The following DIDO1 variants were observed in gnomAD, a reference collection of about 807,000 sequenced individuals.
The protein encoded by DIDO1 is death inducer-obliterator 1, also known as death-inducer obliterator 1.
In DIDO1, 16 loss-of-function variants were observed where a neutral mutation model predicts 99.4. The observed-to-expected ratio is 0.16, with a 90% CI of 0.11 to 0.24. The LOEUF is 0.24. DIDO1 is among the 10% of genes least tolerant of loss of function. The pLI, the probability that DIDO1 is intolerant of heterozygous loss-of-function variation, is 1.00. For missense variants in DIDO1, 2,996 were observed against 3,014.0 expected (o/e 0.99, Z 0.14); for synonymous variants, 1,366 against 1,239.1 (o/e 1.10, Z -2.15).
At chr20:62,890,626 C>T (rs1468358846) in intron 15 of DIDO1, 12 of 1,191,308 alleles carry the variant, frequency 1.0e-5, no homozygotes, top group South Asian at 8.3e-5. Context: ...AGAGCAGGGC[C>T]GCTGGGAGTG....
At chr20:62,917,614 TG>T (rs2065062730) in intron 1 of DIDO1, among the ~76,000 whole-genome samples, 1 of 152,156 alleles carries the variant, frequency 6.6e-6, no homozygotes. Context: ...GGGCTGTGCG[TG>T]GACAGTACCA....
At chr20:62,912,820 T>TTAGGA (rs1196135579) in intron 2 of DIDO1, among the ~76,000 whole-genome samples, 24 of 152,130 alleles carry the variant, frequency 1.6e-4, no homozygotes, top group Non-Finnish European at 7.3e-5. Flanking sequence ...CCACTTGAGG[T>TTAGGA]TAGGAGTTCG....
chr20:62,889,233 G>GTCACTCTGCACCTGCACTCTGCACCT (rs1263717054), intron 15 of DIDO1: 1 of 985,480 alleles, frequency 1.0e-6, no homozygotes, highest in East Asian at 1.1e-4. Flanking sequence ...CTGCCCCGGG[G>GTCACTCTGCACCTGCACTCTGCACCT]CTGCACCTGC....
intron 1 of DIDO1, among the ~76,000 whole-genome samples, chr20:62,934,416 G>C (rs1250180485): frequency 2.0e-5 from 3 of 152,152 alleles, no homozygotes; most frequent in Non-Finnish European, 4.4e-5. Flanking sequence ...AATGAGCTTA[G>C]GACTTCTGAC....
At chr20:62,930,199 T>C (rs868580121), upstream of DIDO1, among the ~76,000 whole-genome samples, 2 of 148,528 alleles carry the variant, frequency 1.3e-5, no homozygotes, top group South Asian at 2.2e-4. Flanking sequence ...CGAGACTCCG[T>C]CTCAAAGAAA....
intron 6 of DIDO1, among the ~76,000 whole-genome samples, chr20:62,899,822 G>A (rs2064622633): frequency 1.3e-5 from 2 of 152,268 alleles, no homozygotes; most frequent in Middle Eastern, 3.4e-3. Context: ...TGCTCTGAAC[G>A]GACATGTTCT....
Position 62,881,376 on chromosome 20 carries a change from G to A in DIDO1, c.4580C>T (p.Ser1527Leu). 2 of 1,606,878 alleles carry A rather than the reference G, an allele frequency of 1.2e-6. No homozygotes were observed. Residue 1527 changes from serine to leucine, a missense_variant, in exon 16 of 16, where the codon TCG becomes TTG. This residue lies in a region of DIDO1 where 1,562 missense variants were observed against 1,412.6 expected (regional missense o/e 1.11). Transcript: ENST00000395343. This position sits in a 1 kb window ranked among gnomAD's most constrained non-coding sequence, Gnocchi z 8.3. ...SDALMSPPPK[S>L]SLPKAELFQQ... ...GAACAGCTCTGCCTTGGGCAAGGAC[G>A]ACTTTGGTGGTGGAGACATCAAGGC...
intron 15 of DIDO1, chr20:62,888,491 G>GT: frequency 1.0e-6 from 1 of 985,530 alleles, no homozygotes; most frequent in African/African-American, 1.7e-5. Context: ...TTCTGGGGGC[G>GT]TGACTCCAAG....
At chr20:62,917,613 G>A (rs908396942) in intron 1 of DIDO1, among the ~76,000 whole-genome samples, 2 of 152,138 alleles carry the variant, frequency 1.3e-5, no homozygotes, top group Non-Finnish European at 2.9e-5. Flanking sequence ...AGGGCTGTGC[G>A]TGGACAGTAC....
intron 6 of DIDO1, among the ~76,000 whole-genome samples, chr20:62,900,335 G>A (rs1344128238): frequency 6.6e-6 from 1 of 152,270 alleles, no homozygotes; most frequent in Non-Finnish European, 1.5e-5. Context: ...GCAGGTCGTC[G>A]TCGTGCACAG....
chr20:62,904,657 T>C (rs2064758382), intron 6 of DIDO1, among the ~76,000 whole-genome samples: 1 of 151,726 alleles, frequency 6.6e-6, no homozygotes, highest in African/African-American at 2.4e-5. Flanking sequence ...GGCACGGGCC[T>C]GTAATCCCAG....
intron 1 of DIDO1, among the ~76,000 whole-genome samples, chr20:62,917,930 C>T (rs999167248): frequency 2.0e-5 from 3 of 152,194 alleles, no homozygotes; most frequent in African/African-American, 7.2e-5. Context: ...GGACTTCCCC[C>T]TCAGGAGTCC....
upstream of DIDO1, chr20:62,929,169 G>A (rs575743230): frequency 6.6e-6 from 1 of 152,252 alleles, no homozygotes; most frequent in African/African-American, 2.4e-5. Flanking sequence ...CAGTTCTCTC[G>A]GCAGAGACGG....
At chr20:62,905,152 A>G (rs1171651656) in intron 6 of DIDO1, 17 of 1,036,076 alleles carry the variant, frequency 1.6e-5, no homozygotes, top group Non-Finnish European at 2.0e-5. Context: ...TTAAGAGTCT[A>G]AACATTCAAG....
chr20:62,935,754 T>C (rs147998971), intron 1 of DIDO1, among the ~76,000 whole-genome samples: 241 of 152,340 alleles, frequency 1.6e-3, no homozygotes, highest in Non-Finnish European at 3.0e-3. Flanking sequence ...GTTAGAAGGA[T>C]AGAGTCAATG....
intron 6 of DIDO1, among the ~76,000 whole-genome samples, chr20:62,903,086 G>A (rs1333497898): frequency 6.6e-6 from 1 of 152,186 alleles, no homozygotes; most frequent in Non-Finnish European, 1.5e-5. Flanking sequence ...AACCACAAAA[G>A]AAACATCATG....
At chr20:62,895,661 CA>C (rs1365210778) in intron 8 of DIDO1, among the ~76,000 whole-genome samples, 1 of 152,162 alleles carries the variant, frequency 6.6e-6, no homozygotes, top group Non-Finnish European at 1.5e-5. Flanking sequence ...GGAGAGAGAA[CA>C]CCACAAGGCT....
chr20:62,923,950 A>G (rs1385186166), intron 1 of DIDO1, among the ~76,000 whole-genome samples: 1 of 152,188 alleles, frequency 6.6e-6, no homozygotes, highest in African/African-American at 2.4e-5. Context: ...TTACCTATTC[A>G]ACTTCATATA....
intron 1 of DIDO1, among the ~76,000 whole-genome samples, chr20:62,914,704 G>C (rs2065008293): frequency 6.6e-6 from 1 of 152,156 alleles, no homozygotes; most frequent in African/African-American, 2.4e-5. Flanking sequence ...GGCCAGAGAG[G>C]AGTCGCCAAG....
Sources: allele counts gnomAD v4.1 joint callset (sites outside exome capture counted in the v4.1 genomes callset), GRCh38; gene constraint gnomAD v4.1.1; regional missense constraint gnomAD v4.1.1; non-coding constraint Gnocchi (gnomAD v3.1); transcripts MANE v1.5; gene names NCBI Gene and HGNC (gene_info 2026-07-23, HGNC 2026-07-21).